COG3: variants seen among roughly 807,000 people sequenced by gnomAD.
The protein encoded by COG3 is component of oligomeric golgi complex 3, also known as conserved oligomeric Golgi complex subunit 3.
A neutral mutation model predicts 114.1 loss-of-function variants in COG3; 32 were observed. That is an observed-to-expected ratio of 0.28 (90% CI 0.21 to 0.38). The LOEUF (loss-of-function observed/expected upper bound fraction) is 0.38, where lower values mean the gene tolerates loss of function less well. Among genes scored for constraint, COG3 ranks in the 10% least tolerant of loss-of-function variants. The probability of loss-of-function intolerance (pLI) is 1.00; values close to 1 mark genes in which losing one functional copy is unlikely to be tolerated. For synonymous variants in COG3, 352 were observed against 365.7 expected (o/e 0.96, Z 0.43); for missense variants, 813 against 973.2 (o/e 0.84, Z 2.19).
rs746476176 is a variant in COG3, at chr13:45,479,026, C to A, written c.343C>A (p.Leu115Met). ...AQQFFSWFAKLQTQMDQDEGT... is the reference protein window; with the variant it reads ...AQQFFSWFAKMQTQMDQDEGT... ...CCAGTTTTTCTCATGGTTTGCAAAG[C>A]TGCAAACTCAGATGGATCAAGATGA... is the stretch of plus-strand genomic sequence containing the variant. The change falls in exon 3 of 23, where the codon CTG becomes ATG. Residue 115 changes from leucine (L) to methionine (M), a missense_variant. By Grantham distance (15) the Leu-to-Met change is conservative (BLOSUM62 2). Around this residue, in one of 2 missense-constraint regions of COG3, gnomAD observed 424 missense variants for 430.6 expected, o/e 0.98. Transcript: ENST00000349995. The A allele has an allele frequency of 9.9e-6, 16 of 1,611,068 alleles. No individual in the cohort carries two copies. The highest frequency in any genetic ancestry group is 1.3e-5 in the Non-Finnish European group (15 of 1,178,874).
At chr13:45,476,558 C>A (rs1474552454) in intron 2 of COG3, among the ~76,000 whole-genome samples, 1 of 152,112 alleles carries the variant, frequency 6.6e-6, no homozygotes, top group Admixed American at 6.5e-5. Context: ...GGTAAAAAAA[C>A]ATGAGATTCC....
At chr13:45,475,625 G>A (rs1047613637) in intron 1 of COG3, among the ~76,000 whole-genome samples, 10 of 152,294 alleles carry the variant, frequency 6.6e-5, no homozygotes, top group African/African-American at 2.4e-4. Context: ...AGAGGCTCAA[G>A]TGAGAAAATG....
chr13:45,531,869 A>G (rs1377197496), intron 22 of COG3: 1 of 152,130 alleles, frequency 6.6e-6, no homozygotes, highest in Non-Finnish European at 1.5e-5. Flanking sequence ...GGAGGGAGAA[A>G]TGGGGTCATT....
chr13:45,494,254 G>A (rs1291854214), intron 12 of COG3, among the ~76,000 whole-genome samples: 1 of 151,630 alleles, frequency 6.6e-6, no homozygotes, highest in Non-Finnish European at 1.5e-5. Flanking sequence ...GAACCTGGGA[G>A]GGGGAGGTTG....
intron 8 of COG3, among the ~76,000 whole-genome samples, chr13:45,489,009 G>A (rs570865284): frequency 6.2e-4 from 94 of 151,480 alleles, no homozygotes; most frequent in Middle Eastern, 3.4e-3. Flanking sequence ...GCAACATGGC[G>A]AAACCCTGTC....
intron 7 of COG3, among the ~76,000 whole-genome samples, chr13:45,485,173 G>A (rs1272484109): frequency 1.4e-5 from 2 of 147,276 alleles, no homozygotes; most frequent in African/African-American, 5.1e-5. Context: ...CCCAGTAGGG[G>A]CGGCCGGGCA....
At chr13:45,488,032 A>G (rs1566249702) in intron 8 of COG3, among the ~76,000 whole-genome samples, 1 of 152,240 alleles carries the variant, frequency 6.6e-6, no homozygotes, top group Non-Finnish European at 1.5e-5. Context: ...AAACAATAAG[A>G]TACTATTCAG....
intron 20 of COG3, among the ~76,000 whole-genome samples, chr13:45,528,226 T>C (rs1872858827): frequency 6.6e-6 from 1 of 152,218 alleles, no homozygotes; most frequent in Admixed American, 6.5e-5. Flanking sequence ...TTATCCTATA[T>C]ATAAACAAGC....
chr13:45,466,990 A>G (rs1454490341), intron 1 of COG3, among the ~76,000 whole-genome samples: 1 of 152,234 alleles, frequency 6.6e-6, no homozygotes, highest in Non-Finnish European at 1.5e-5. Context: ...ACATGGAAAA[A>G]AAGAACAAAG....
intron 8 of COG3, among the ~76,000 whole-genome samples, chr13:45,487,029 C>T (rs1249610172): frequency 6.6e-6 from 1 of 152,166 alleles, no homozygotes; most frequent in Non-Finnish European, 1.5e-5. Context: ...GTATCTTAAA[C>T]AGAGGAGTTA....
intron 17 of COG3, among the ~76,000 whole-genome samples, chr13:45,517,111 C>T (rs1204772159): frequency 6.6e-6 from 1 of 152,076 alleles, no homozygotes; most frequent in Non-Finnish European, 1.5e-5. Context: ...TAATTACTTA[C>T]AAATTTATGT....
chr13:45,532,538 G>A (rs1159236893), intron 22 of COG3, among the ~76,000 whole-genome samples: 1 of 122,150 alleles, frequency 8.2e-6, no homozygotes, highest in Non-Finnish European at 1.7e-5. Context: ...CTTTTTATTA[G>A]TTATTGGGTT....
At chr13:45,477,329 T>C (rs1166440535) in intron 2 of COG3, among the ~76,000 whole-genome samples, 4 of 152,120 alleles carry the variant, frequency 2.6e-5, no homozygotes, top group Non-Finnish European at 5.9e-5. Context: ...TTAAAAAAAG[T>C]CCTCTGGATG....
chr13:45,533,669 A>G (rs1343832613), intron 22 of COG3, among the ~76,000 whole-genome samples: 2 of 152,192 alleles, frequency 1.3e-5, no homozygotes, highest in Non-Finnish European at 2.9e-5. Flanking sequence ...CTTCTTGCTG[A>G]CATTTCCCCA....
At chr13:45,474,708 C>T (rs1406119658) in intron 1 of COG3, among the ~76,000 whole-genome samples, 2 of 152,150 alleles carry the variant, frequency 1.3e-5, no homozygotes, top group Non-Finnish European at 2.9e-5. Context: ...ATTAGTGGTG[C>T]ATTTTGCATC....
At chr13:45,521,772 C>T (rs1428875935) in intron 19 of COG3, among the ~76,000 whole-genome samples, 1 of 151,174 alleles carries the variant, frequency 6.6e-6, no homozygotes, top group African/African-American at 2.4e-5. Flanking sequence ...CCTGCAAGTG[C>T]AGAATCTCAT....
chr13:45,493,680 A>C (rs1398161722), intron 12 of COG3, 194 bp downstream of exon 12: 1 of 375,970 alleles, frequency 2.7e-6, no homozygotes, highest in Non-Finnish European at 4.7e-6. Context: ...TAGGGAAAGA[A>C]TCTTAAAATC....
At chr13:45,505,305 C>CTTT (rs34378614) in intron 14 of COG3, among the ~76,000 whole-genome samples, 1 of 145,172 alleles carries the variant, frequency 6.9e-6, no homozygotes, top group Non-Finnish European at 1.5e-5. Flanking sequence ...ATCCTGCTTC[C>CTTT]TTTTTTTTTT....
At chr13:45,480,050 A>G (rs1317356019) in intron 3 of COG3, 75 bp from the exon 4 acceptor site, 2 of 1,304,242 alleles carry the variant, frequency 1.5e-6, no homozygotes, top group East Asian at 4.7e-5. Flanking sequence ...GGGAAAAATG[A>G]GCCTTTGTTG....
Sources: allele counts gnomAD v4.1 joint callset (sites outside exome capture counted in the v4.1 genomes callset), GRCh38; gene constraint gnomAD v4.1.1; regional missense constraint gnomAD v4.1.1; transcripts MANE v1.5; gene names NCBI Gene and HGNC (gene_info 2026-07-23, HGNC 2026-07-21).